LAMB1: variants seen among roughly 807,000 people sequenced by gnomAD.
The protein encoded by LAMB1 is laminin subunit beta 1.
Under a neutral mutation model 222.3 loss-of-function variants are expected in LAMB1, and 121 were observed. That is an observed-to-expected ratio of 0.54 (90% CI 0.47 to 0.63). The LOEUF is 0.63. LAMB1 is among the 30% of genes least tolerant of loss of function. The pLI, the probability that LAMB1 is intolerant of heterozygous loss-of-function variation, is 0.00. For synonymous variants in LAMB1, 794 were observed against 807.2 expected (o/e 0.98, Z 0.28); for missense variants, 2,172 against 2,240.8 (o/e 0.97, Z 0.62).
intron 24 of LAMB1, among the ~76,000 whole-genome samples, chr7:107,949,279 T>C (rs2033190977): frequency 1.3e-5 from 2 of 152,210 alleles, no homozygotes; most frequent in African/African-American, 4.8e-5. Flanking sequence ...ACATGAACAA[T>C]TCTCTGATTG....
Position 107,951,283 on chromosome 7 carries a change from G to A in LAMB1, c.3334C>T (p.Arg1112Cys), listed in dbSNP as rs748135611. 23 of 1,614,020 alleles carry A rather than the reference G, an allele frequency of 1.4e-5. No homozygotes were observed. Among genetic ancestry groups the A allele is most frequent in the East Asian group, 4.5e-5 (2 of 44,882 alleles). ...AGTTCCTGGCACTCGCTGCAGGTGC[G>A]GCCTCCAAACCCAGGCATGCACTGG... ...QCQCMPGFGG[R>C]TCSECQELFW... The change falls in exon 24 of 34, where the codon CGC becomes TGC. Residue 1112 changes from arginine (R) to cysteine (C), a missense_variant. Physicochemically the swap from Arg to Cys is radical, Grantham distance 180. Transcript: ENST00000222399.
chr7:108,002,379 C>T (rs1027805364), intron 2 of LAMB1: 1 of 1,317,228 alleles, frequency 7.6e-7, no homozygotes, highest in African/African-American at 1.5e-5. Flanking sequence ...CCAGGTCCTG[C>T]TGTTTCTGGT....
chr7:107,959,387 C>T lies in LAMB1; in HGVS notation c.2552G>A (p.Cys851Tyr). The change falls in exon 20 of 34, where the codon TGT (cysteine) becomes TAT (tyrosine). Residue 851 changes from cysteine (C) to tyrosine (Y), a missense_variant. Coordinates refer to ENST00000222399, the MANE Select transcript of LAMB1 (RefSeq NM_002291.3). ...CCAGTGCCCAGGTAAGCACCGATCA[C>T]ACTGCCGAGCATACACTCCCTGGAA... is the stretch of plus-strand genomic sequence containing the variant. ...HCFQGVYARQCDRCLPGHWGF... is the reference protein window; with the variant it reads ...HCFQGVYARQYDRCLPGHWGF... 6.2e-7 allele frequency: 1 copy of T among 1,614,252 alleles called. No individual in the cohort carries two copies. Among genetic ancestry groups the T allele is most frequent in the Non-Finnish European group, 8.5e-7 (1 of 1,180,046 alleles).
intron 5 of LAMB1, among the ~76,000 whole-genome samples, chr7:107,992,682 G>A (rs542559484): frequency 1.1e-4 from 17 of 152,190 alleles, no homozygotes; most frequent in African/African-American, 2.2e-4. Flanking sequence ...GATCACTTGC[G>A]GTTAGGAGTT....
chr7:107,952,162 G>T lies in LAMB1; in HGVS notation c.3141C>A (p.Cys1047Ter). The T allele has an allele frequency of 6.2e-7, 1 of 1,613,378 alleles. No homozygotes were observed. The highest frequency in any genetic ancestry group is 8.5e-7 in the Non-Finnish European group (1 of 1,179,484). ...ACAAGCACTGACCAGTGGCTTTGTC[G>T]CACTGGCAGTCAGAGCCGTTACAGT... Reference protein sequence around the residue: ...QEHCNGSDCQCDKATGQCLCL... With the variant: ...QEHCNGSDCQ The change falls in exon 23 of 34, where the codon TGC (cysteine) becomes TGA (stop). Residue 1047 changes from cysteine to a stop codon, truncating the protein, a stop_gained. Transcript: ENST00000222399. LOFTEE classifies it high-confidence loss of function.
At chr7:107,983,897 T>C (rs2034021803) in intron 7 of LAMB1, among the ~76,000 whole-genome samples, 1 of 152,138 alleles carries the variant, frequency 6.6e-6, no homozygotes, top group Non-Finnish European at 1.5e-5. Context: ...TTGAATGTGG[T>C]AAAGAGCTCT....
rs755084870 is a variant in LAMB1 at position 107,951,280 on chromosome 7, T to G, written c.3337A>C (p.Thr1113Pro). Reference sequence around the variant, plus strand: ...AAGAGTTCCTGGCACTCGCTGCAGGTGCGGCCTCCAAACCCAGGCATGCAC... The same window carrying G: ...AAGAGTTCCTGGCACTCGCTGCAGGGGCGGCCTCCAAACCCAGGCATGCAC... ...CQCMPGFGGR[T>P]CSECQELFWG... Residue 1113 changes from threonine (T) to proline (P), a missense_variant, in exon 24 of 34, where the codon ACC becomes CCC. Coordinates refer to ENST00000222399, the MANE Select transcript of LAMB1 (RefSeq NM_002291.3). The G allele has an allele frequency of 1.2e-6, 2 of 1,614,164 alleles. No individual in the cohort carries two copies. Among genetic ancestry groups the G allele is most frequent in the Middle Eastern group, 3.3e-4 (2 of 6,062 alleles).
At position 108,000,624 on chromosome 7, in the gene LAMB1, G is replaced by A. The variant is rs1306929194; in HGVS notation, c.213+934C>T. On this transcript the variant is annotated intron_variant, in intron 3 of 33. Coordinates refer to ENST00000222399, the MANE Select transcript of LAMB1 (RefSeq NM_002291.3). ...AGTGGACTGATTATCGCTTACTGCA[G>A]CCTCGACCTACTGGGCTCAAGTGAT... Among the ~76,000 whole-genome samples the A allele has an allele frequency of 2.0e-5, 3 of 152,240 alleles. No homozygotes were observed. The East Asian group carries it at 5.8e-4, about 29-fold the overall frequency.
At chr7:107,986,396 T>A (rs774478256) in intron 5 of LAMB1, 33 bp from the exon 6 acceptor site, 2 of 1,539,756 alleles carry the variant, frequency 1.3e-6, no homozygotes, top group South Asian at 2.5e-5. Flanking sequence ...CATTTGATGT[T>A]TTTTATTGGT....
At chr7:107,931,627 C>G (rs2032713780) in intron 28 of LAMB1, 127 bp from the exon 29 acceptor site, 1 of 863,818 alleles carries the variant, frequency 1.2e-6, no homozygotes, top group Non-Finnish European at 1.9e-6. Context: ...TGGGAAACAA[C>G]TTTCTCCCAT....
intron 5 of LAMB1, among the ~76,000 whole-genome samples, chr7:107,988,678 G>A (rs1210949974): frequency 6.6e-6 from 1 of 152,148 alleles, no homozygotes; most frequent in Non-Finnish European, 1.5e-5. Flanking sequence ...CTTTAAAGAG[G>A]TGATTAAGGT....
chr7:107,937,234 C>A lies in LAMB1; in HGVS notation c.3805G>T (p.Val1269Leu). The change falls in exon 26 of 34, where the codon GTG becomes TTG. Residue 1269 changes from valine (V) to leucine (L), a missense_variant. Coordinates refer to ENST00000222399, the MANE Select transcript of LAMB1 (RefSeq NM_002291.3). ...TGGGAAGTTGTGTCAGATAATTTCA[C>A]TTCTACTTGAGCCATCATTTCTGTA... is the stretch of plus-strand genomic sequence containing the variant. ...DVTEMMAQVE[V>L]KLSDTTSQSN... The A allele has an allele frequency of 6.2e-7, 1 of 1,614,000 alleles. No homozygotes were observed. The highest frequency in any genetic ancestry group is 8.5e-7 in the Non-Finnish European group (1 of 1,179,920).
chr7:107,971,655 A>G (rs2033751162), intron 13 of LAMB1, among the ~76,000 whole-genome samples: 1 of 152,216 alleles, frequency 6.6e-6, no homozygotes, highest in Non-Finnish European at 1.5e-5. Flanking sequence ...TGCTTTAAAA[A>G]TCTTTACTAG....
At chr7:107,961,088 A>G in intron 17 of LAMB1, 118 bp downstream of exon 17, 1 of 1,165,694 alleles carries the variant, frequency 8.6e-7, no homozygotes, top group Non-Finnish European at 1.2e-6. Flanking sequence ...TGGAGGCAAG[A>G]AAGAATGATT....
At chr7:107,948,332 T>G (rs1282378176) in intron 24 of LAMB1, among the ~76,000 whole-genome samples, 1 of 152,172 alleles carries the variant, frequency 6.6e-6, no homozygotes, top group Non-Finnish European at 1.5e-5. Context: ...TGAGGTCAGT[T>G]GCCTTCACCC....
intron 1 of LAMB1, 31 bp from the exon 2 acceptor site, chr7:108,003,002 C>A: frequency 6.5e-7 from 1 of 1,549,428 alleles, no homozygotes; most frequent in Non-Finnish European, 8.6e-7. Context: ...GGAAAAAAGG[C>A]AAATGTTCAA....
At position 107,975,829 on chromosome 7, in the gene LAMB1, A is replaced by C; in HGVS notation, c.1049T>G (p.Val350Gly). The stretch of plus-strand genomic sequence containing the variant: ...GCTGACGTTCCCCGTGGCCAGGTAA[A>C]CAGCCATGTCAAAGTGACAAGAGAT... ...HSISCHFDMAVYLATGNVSGG... is the reference protein window; with the variant it reads ...HSISCHFDMAGYLATGNVSGG... The change falls in exon 10 of 34, where the codon GTT (valine) becomes GGT (glycine). Residue 350 changes from valine (V) to glycine (G), a missense_variant. Transcript: ENST00000222399. The C allele has an allele frequency of 2.5e-6, 4 of 1,614,148 alleles. No individual in the cohort carries two copies. The highest frequency in any genetic ancestry group is 1.3e-5 in the African/African-American group (1 of 75,044).
intron 25 of LAMB1, among the ~76,000 whole-genome samples, chr7:107,937,759 A>T (rs957434645): frequency 1.3e-5 from 2 of 152,216 alleles, no homozygotes; most frequent in East Asian, 3.9e-4. Context: ...CCTGCCACAA[A>T]GACAACAGGA....
At chr7:107,961,515 G>A in intron 16 of LAMB1, 34 bp downstream of exon 16, 1 of 1,599,324 alleles carries the variant, frequency 6.3e-7, no homozygotes, top group Non-Finnish European at 8.6e-7. Context: ...TGCATATGAA[G>A]CCCGTTGAGC....
Sources: gnomAD v4.1 joint callset for allele counts (sites outside exome capture counted in the v4.1 genomes callset) on GRCh38, gnomAD v4.1.1 for gene constraint, MANE v1.5 for transcripts, NCBI Gene and HGNC (gene_info 2026-07-23, HGNC 2026-07-21) for gene names.